The following GREB1L variants were observed in gnomAD, a reference collection of about 807,000 sequenced individuals.
The protein encoded by GREB1L is GREB1 like retinoic acid receptor coactivator.
GREB1L carries 17 observed loss-of-function variants against 200.8 expected under a neutral mutation model. That is an observed-to-expected ratio of 0.08 (90% CI 0.06 to 0.13). The LOEUF (loss-of-function observed/expected upper bound fraction) is 0.13, where lower values mean the gene tolerates loss of function less well. Among genes scored for constraint, GREB1L ranks in the 10% least tolerant of loss-of-function variants. The probability of loss-of-function intolerance (pLI) is 1.00; values close to 1 mark genes in which losing one functional copy is unlikely to be tolerated. For synonymous variants in GREB1L, 789 were observed against 893.0 expected, an observed-to-expected ratio of 0.88 and a Z score of 2.08; for missense variants, 1,657 against 2,367.7, an observed-to-expected ratio of 0.70 and a Z score of 6.23.
intron 1 of GREB1L, among the ~76,000 whole-genome samples, chr18:21,331,988 A>G (rs908953822): frequency 2.6e-5 from 4 of 152,196 alleles, no homozygotes; most frequent in African/African-American, 4.8e-5. Context: ...AAAGTTAGAG[A>G]CTCAATATAT....
chr18:21,420,924 T>A (rs1253657860), intron 7 of GREB1L, among the ~76,000 whole-genome samples: 1 of 152,084 alleles, frequency 6.6e-6, no homozygotes, highest in Non-Finnish European at 1.5e-5. Flanking sequence ...AATTGATATA[T>A]CCAAACAGTA....
rs2037672694 is a variant in GREB1L at position 21,525,606 on chromosome 18, CT to C, written c.*2788del. 6.6e-6 allele frequency among the ~76,000 whole-genome samples: 1 copy of C among 152,136 alleles called. No homozygotes were observed. Among genetic ancestry groups the C allele is most frequent in the Non-Finnish European group, 1.5e-5 (1 of 68,018 alleles). ...ATTTGACAGATTGCAACTACACTCA[CT>C]TTGATGTCCTTCTGGAAACAGAACA... On this transcript the variant is annotated 3_prime_UTR_variant, in exon 33 of 33. Transcript: ENST00000424526.
intron 1 of GREB1L, among the ~76,000 whole-genome samples, chr18:21,336,332 T>G (rs561007624): frequency 2.6e-5 from 4 of 152,304 alleles, no homozygotes; most frequent in Non-Finnish European, 5.9e-5. Flanking sequence ...CTGTTGAAAG[T>G]TCACATGCTC....
At chr18:21,379,871 G>A (rs1332871319) in intron 2 of GREB1L, among the ~76,000 whole-genome samples, 1 of 152,124 alleles carries the variant, frequency 6.6e-6, no homozygotes, top group African/African-American at 2.4e-5. Context: ...GGAGTCTTAG[G>A]AGCCTGGCCA....
chr18:21,404,026 A>G (rs1395957842), intron 7 of GREB1L, 32 bp downstream of exon 7: 2 of 1,536,410 alleles, frequency 1.3e-6, no homozygotes, highest in South Asian at 1.2e-5. Context: ...CATTTCAAGC[A>G]TCACATGTAT....
In GREB1L at chr18:21,408,833, C is replaced by T. The variant is rs559662413; in HGVS notation, c.832+4839C>T. On this transcript the variant is annotated intron_variant, in intron 7 of 32. Transcript: ENST00000424526. The stretch of plus-strand genomic sequence containing the variant: ...AAAAAAGTAATGAGATACTACTTCA[C>T]ATCCTCTAGAACAGCTGTCATAAAA... 2.1e-4 allele frequency among the ~76,000 whole-genome samples: 31 copies of T among 149,298 alleles called. No individual in the cohort carries two copies. The East Asian group carries it at 4.9e-3, about 24-fold the overall frequency.
intron 1 of GREB1L, among the ~76,000 whole-genome samples, chr18:21,305,845 A>G (rs73959831): frequency 6.6e-6 from 1 of 152,118 alleles, no homozygotes; most frequent in Non-Finnish European, 1.5e-5. Context: ...TGCCCAGCTC[A>G]TTCCCAGCTA....
chr18:21,253,618 G>T (rs1266049072), intron 1 of GREB1L, among the ~76,000 whole-genome samples: 1 of 152,074 alleles, frequency 6.6e-6, no homozygotes, highest in Non-Finnish European at 1.5e-5. Context: ...AATGTAATGT[G>T]TTTAGATTTT....
chr18:21,498,538 T>C (rs2036645366), intron 21 of GREB1L, among the ~76,000 whole-genome samples: 1 of 152,216 alleles, frequency 6.6e-6, no homozygotes. Flanking sequence ...GAGCACAGCC[T>C]GTCTTCCTTC....
chr18:21,272,997 C>T (rs2038102477), intron 1 of GREB1L, among the ~76,000 whole-genome samples: 1 of 152,260 alleles, frequency 6.6e-6, no homozygotes, highest in African/African-American at 2.4e-5. Context: ...GAGGCTGAGG[C>T]GGGTGGATCA....
intron 1 of GREB1L, among the ~76,000 whole-genome samples, chr18:21,260,178 A>C (rs1014073801): frequency 6.6e-6 from 1 of 151,960 alleles, no homozygotes; most frequent in African/African-American, 2.4e-5. Context: ...ACTTTTTAGA[A>C]ATTTGGATTT....
At chr18:21,292,946 G>A (rs2038473926) in intron 1 of GREB1L, among the ~76,000 whole-genome samples, 6 of 152,218 alleles carry the variant, frequency 3.9e-5, no homozygotes, top group Admixed American at 3.3e-4. Context: ...AGGTCTTTTT[G>A]TAAGGTTTAG....
chr18:21,511,341 G>C (rs1356476967), intron 27 of GREB1L, among the ~76,000 whole-genome samples: 2 of 151,714 alleles, frequency 1.3e-5, no homozygotes, highest in Non-Finnish European at 2.9e-5. Context: ...TCCAGCCTGG[G>C]CAACAAGAGT....
At chr18:21,404,033 G>A in intron 7 of GREB1L, 39 bp downstream of exon 7, 1 of 1,527,488 alleles carries the variant, frequency 6.5e-7, no homozygotes, top group East Asian at 2.5e-5. Flanking sequence ...AGCATCACAT[G>A]TATATTTAAT....
At chr18:21,402,817 C>G (rs942225125) in intron 6 of GREB1L, among the ~76,000 whole-genome samples, 2 of 152,098 alleles carry the variant, frequency 1.3e-5, no homozygotes, top group Non-Finnish European at 2.9e-5. Flanking sequence ...GCCACTATGC[C>G]TGGCCTCATT....
chr18:21,441,748 G>A (rs957030742), intron 10 of GREB1L, among the ~76,000 whole-genome samples: 2 of 152,186 alleles, frequency 1.3e-5, no homozygotes, highest in Admixed American at 6.5e-5. Context: ...GCACTGTTTA[G>A]TGGGGGAGTC....
chr18:21,357,173 G>A (rs1049170094), intron 1 of GREB1L, among the ~76,000 whole-genome samples: 2 of 152,050 alleles, frequency 1.3e-5, no homozygotes, highest in Non-Finnish European at 2.9e-5. Context: ...TTCTGCCTCC[G>A]CCTCCTGAGT....
intron 11 of GREB1L, among the ~76,000 whole-genome samples, chr18:21,444,758 C>T (rs1427489963): frequency 6.6e-6 from 1 of 152,238 alleles, no homozygotes; most frequent in African/African-American, 2.4e-5. Context: ...GGCCACCTTT[C>T]TGAAAGTGCA....
intron 7 of GREB1L, among the ~76,000 whole-genome samples, chr18:21,410,291 C>T (rs1317443091): frequency 6.6e-6 from 1 of 152,044 alleles, no homozygotes; most frequent in East Asian, 1.9e-4. Context: ...TATGTAGGCT[C>T]TTCCTCTGTA....
Sources: allele counts gnomAD v4.1 joint callset (sites outside exome capture counted in the v4.1 genomes callset), GRCh38; gene constraint gnomAD v4.1.1; transcripts MANE v1.5; gene names NCBI Gene and HGNC (gene_info 2026-07-23, HGNC 2026-07-21).